KLHL20: variants seen among roughly 807,000 people sequenced by gnomAD.
KLHL20 encodes the protein kelch-like protein 20.
Under a neutral mutation model 69.5 loss-of-function variants are expected in KLHL20, and 29 were observed. That is an observed-to-expected ratio of 0.42 (90% confidence interval 0.31 to 0.57). KLHL20 has a LOEUF of 0.57. KLHL20 is among the 20% of genes least tolerant of loss of function. The pLI is 0.18. For synonymous variants in KLHL20, 253 were observed against 265.2 expected, an observed-to-expected ratio of 0.95 and a Z score of 0.45; for missense variants, 419 against 776.0, an observed-to-expected ratio of 0.54 and a Z score of 5.47.
intron 8 of KLHL20, among the ~76,000 whole-genome samples, chr1:173,769,683 G>T (rs2102525474): frequency 6.6e-6 from 1 of 151,388 alleles, no homozygotes; most frequent in East Asian, 1.9e-4. Context: ...AGTTACTCAG[G>T]AGGCTGAGGT....
chr1:173,739,896 G>A (rs12094912), intron 3 of KLHL20, among the ~76,000 whole-genome samples: 9,539 of 150,996 alleles, frequency 0.063, 961 homozygotes, highest in African/African-American at 0.21. Flanking sequence ...CCACCTTGGC[G>A]TCCCAAAGTG....
At chr1:173,760,686 C>T (rs1673761222) in intron 7 of KLHL20, among the ~76,000 whole-genome samples, 1 of 152,060 alleles carries the variant, frequency 6.6e-6, no homozygotes, top group Non-Finnish European at 1.5e-5. Flanking sequence ...TCGCCATTAC[C>T]AAATCACCAC....
chr1:173,775,781 G>T lies in KLHL20; in HGVS notation c.1577G>T (p.Arg526Ile), dbSNP rs2102533804. 6.2e-7 allele frequency: 1 copy of T among 1,614,192 alleles called. No homozygotes were observed. Among genetic ancestry groups the T allele is most frequent in the Middle Eastern group, 1.6e-4 (1 of 6,062 alleles). ...ACTACAGAGCTGAGCAGTGCTGAGAGATACAACCCCAGAACCAACCAGTGG... is the reference window on the plus strand; with the variant it reads ...ACTACAGAGCTGAGCAGTGCTGAGATATACAACCCCAGAACCAACCAGTGG... ...DDTTELSSAE[R>I]YNPRTNQWSP... Residue 526 changes from arginine (R) to isoleucine (I), a missense_variant, in exon 10 of 12, where the codon AGA becomes ATA. Transcript: ENST00000209884.
In KLHL20 at chr1:173,753,004, C is replaced by CA. The variant is rs35110902; in HGVS notation, c.757-198dup. On this transcript the variant is annotated intron_variant, in intron 4 of 11. Coordinates refer to ENST00000209884, the MANE Select transcript of KLHL20 (RefSeq NM_014458.4). ...GCAGCGTGGTGATTCCCCGTTTCTA[C>CA]AAAAAAAAAAATACAAAAATTTGTT... Among the ~76,000 whole-genome samples, 555 of 141,860 alleles carry CA rather than the reference C, an allele frequency of 3.9e-3. 3 individuals carry two copies. The highest frequency in any genetic ancestry group is 0.014 in the Middle Eastern group (4 of 286). The allele number at this position is 141,860 out of a possible 152,430, so 93.1% of individuals were successfully genotyped here.
chr1:173,781,779 T>G lies in KLHL20; in HGVS notation c.1639-345T>G, dbSNP rs540340149. ...TACCATGCCTGGCCTAGATTTGTAT[T>G]TTTAAAAGAGAATTTTACTAGCAAT... On this transcript the variant is annotated intron_variant, in intron 10 of 11. Coordinates refer to ENST00000209884, the MANE Select transcript of KLHL20 (RefSeq NM_014458.4). 23 of 179,472 alleles carry G rather than the reference T, an allele frequency of 1.3e-4. No homozygotes were observed. The South Asian group carries it at 2.6e-3, about 20-fold the overall frequency. 11.1% of individuals were successfully genotyped at this position (179,472 alleles called of 1,614,324 possible).
intron 3 of KLHL20, among the ~76,000 whole-genome samples, chr1:173,750,581 G>A (rs1244730022): frequency 4.0e-5 from 6 of 151,072 alleles, no homozygotes; most frequent in Non-Finnish European, 5.9e-5. Context: ...TGTCTCCCGC[G>A]TTCAAGTGAT....
intron 11 of KLHL20, among the ~76,000 whole-genome samples, chr1:173,783,424 C>T (rs1395025341): frequency 6.6e-6 from 1 of 152,216 alleles, no homozygotes; most frequent in Non-Finnish European, 1.5e-5. Context: ...AAAGCCACAA[C>T]TCTCACAGAG....
chr1:173,754,601 AAC>A (rs1402333822), intron 5 of KLHL20, among the ~76,000 whole-genome samples: 1 of 151,906 alleles, frequency 6.6e-6, no homozygotes, highest in African/African-American at 2.4e-5. Flanking sequence ...AAAAAAAAAA[AAC>A]ACACAGACAA....
chr1:173,718,545 CAAAA>C (rs1043098445), intron 2 of KLHL20, among the ~76,000 whole-genome samples: 4 of 101,546 alleles, frequency 3.9e-5, no homozygotes, highest in Non-Finnish European at 6.3e-5. Context: ...GACAGTGTCT[CAAAA>C]AAAAAAAAAA....
chr1:173,733,660 A>C, intron 2 of KLHL20, 53 bp from the exon 3 acceptor site: 1 of 1,348,500 alleles, frequency 7.4e-7, no homozygotes, highest in Non-Finnish European at 1.0e-6. Flanking sequence ...AAGGGGAGAA[A>C]AGAGCTTATA....
intron 3 of KLHL20, among the ~76,000 whole-genome samples, chr1:173,747,656 ATATGT>A (rs1233393557): frequency 1.3e-5 from 2 of 151,960 alleles, no homozygotes; most frequent in Non-Finnish European, 2.9e-5. Flanking sequence ...GCTCTGACTG[ATATGT>A]TTGTTTTCAA....
intron 7 of KLHL20, among the ~76,000 whole-genome samples, chr1:173,762,896 A>G (rs1647404447): frequency 6.6e-6 from 1 of 152,182 alleles, no homozygotes; most frequent in Non-Finnish European, 1.5e-5. Context: ...CAAGAGAAAG[A>G]AATAAAGGGC....
intron 2 of KLHL20, among the ~76,000 whole-genome samples, chr1:173,729,565 C>T (rs957795407): frequency 2.0e-5 from 3 of 152,144 alleles, no homozygotes; most frequent in African/African-American, 7.2e-5. Context: ...AAGGCTGGTT[C>T]AACATACACA....
chr1:173,727,515 C>T (rs977990556), intron 2 of KLHL20, among the ~76,000 whole-genome samples: 4 of 152,110 alleles, frequency 2.6e-5, no homozygotes, highest in Admixed American at 6.6e-5. Flanking sequence ...GTCAGGTAAC[C>T]CACAAAGGGA....
intron 7 of KLHL20, among the ~76,000 whole-genome samples, chr1:173,757,685 A>G (rs1229063136): frequency 9.9e-5 from 15 of 152,044 alleles, no homozygotes; most frequent in African/African-American, 3.4e-4. Flanking sequence ...AAAAAAGAAA[A>G]AAAAGACTTA....
At chr1:173,726,206 C>A (rs1020222988) in intron 2 of KLHL20, among the ~76,000 whole-genome samples, 1 of 152,054 alleles carries the variant, frequency 6.6e-6, no homozygotes, top group Non-Finnish European at 1.5e-5. Context: ...GGGAGGGGCA[C>A]CCACCATTGT....
Position 173,728,181 on chromosome 1 carries a change from A to G in KLHL20, c.24-5532A>G, listed in dbSNP as rs369178566. Among the ~76,000 whole-genome samples, 372 of 152,368 alleles carry G rather than the reference A, an allele frequency of 2.4e-3. 1 individual carries two copies. Among genetic ancestry groups the G allele is most frequent in the African/African-American group, 8.6e-3 (359 of 41,590 alleles). On this transcript the variant is annotated intron_variant, in intron 2 of 11. Transcript: ENST00000209884. The stretch of plus-strand genomic sequence containing the variant: ...ATAATGGTAAAGGGATCAATTCAAC[A>G]AGAAGAGCTAACTATCCTAAATATA...
In KLHL20 at chr1:173,757,133, A is replaced by G. The variant is rs776577730; in HGVS notation, c.1125A>G (p.Gly375=). Residue 375 remains glycine, a synonymous_variant, in exon 7 of 12, where the codon GGA becomes GGG. Transcript: ENST00000209884. ...DLLYAVGGHD[G]SSYLNSVERY... is the part of the protein sequence containing the mutation. ...TATATGCAGTAGGAGGCCATGATGG[A>G]TCCTCTTATCTCAATAGTGTTGAAA... The G allele has an allele frequency of 6.2e-7, 1 of 1,613,674 alleles. No homozygotes were observed. The highest frequency in any genetic ancestry group is 2.2e-5 in the East Asian group (1 of 44,864).
intron 4 of KLHL20, among the ~76,000 whole-genome samples, chr1:173,752,190 C>T (rs1284962518): frequency 1.3e-5 from 2 of 150,052 alleles, no homozygotes; most frequent in Admixed American, 6.7e-5. Context: ...GAGCCGAGAT[C>T]GTGCCACTGT....
Sources: allele counts gnomAD v4.1 joint callset (sites outside exome capture counted in the v4.1 genomes callset), GRCh38; gene constraint gnomAD v4.1.1; transcripts MANE v1.5; gene names NCBI Gene and HGNC (gene_info 2026-07-23, HGNC 2026-07-21).